Variants in BMP5 observed in about 807,000 individuals in gnomAD.
The protein encoded by BMP5 is bone morphogenetic protein 5.
BMP5 carries 23 observed loss-of-function variants against 46.6 expected under a neutral mutation model. The observed-to-expected ratio is 0.49, with a 90% confidence interval of 0.35 to 0.70. The LOEUF (loss-of-function observed/expected upper bound fraction) is 0.70, where lower values mean the gene tolerates loss of function less well. Among genes scored for constraint, BMP5 ranks in the 30% least tolerant of loss-of-function variants. The pLI, the probability that BMP5 is intolerant of heterozygous loss-of-function variation, is 0.00. For synonymous variants in BMP5, 204 were observed against 191.9 expected (o/e 1.06, Z -0.52); for missense variants, 545 against 565.6 (o/e 0.96, Z 0.37).
At chr6:55,759,173 AAAAAAAAAAACAAC>A in intron 5 of BMP5, 58 bp from the exon 6 acceptor site, 1 of 839,412 alleles carries the variant, frequency 1.2e-6, no homozygotes, top group Non-Finnish European at 1.8e-6. Context: ...AAAAAAAAAA[AAAAAAAAAAACAAC>A]AAGAAAAAAT....
intron 4 of BMP5, among the ~76,000 whole-genome samples, chr6:55,767,820 A>G (rs1482974194): frequency 1.3e-5 from 2 of 152,038 alleles, no homozygotes; most frequent in South Asian, 2.1e-4. Context: ...GAGTGACATG[A>G]TTAAATAAAC....
At chr6:55,854,534 TTTTCACTGTA>T (rs1455439040) in intron 1 of BMP5, among the ~76,000 whole-genome samples, 2 of 152,196 alleles carry the variant, frequency 1.3e-5, no homozygotes, top group East Asian at 3.9e-4. Flanking sequence ...ATAAAGATAA[TTTTCACTGTA>T]TTTTCTTTTT....
Position 55,874,819 on chromosome 6 carries a change from C to G in BMP5, c.47G>C (p.Trp16Ser). ...FLLKGIVGFLWSCWVLVGYAK... is the reference protein window; with the variant it reads ...FLLKGIVGFLSSCWVLVGYAK... ...ATAACCCACTAGAACCCAGCAGCTC[C>G]AGAGGAAACCCACAATACCCTTAAG... The change falls in exon 1 of 7, where the codon TGG becomes TCG. Residue 16 changes from tryptophan (W) to serine (S), a missense_variant. Trp to Ser is a radical substitution (Grantham distance 177). Transcript: ENST00000370830. 1 of 1,613,212 alleles carries G rather than the reference C, an allele frequency of 6.2e-7. No homozygotes were observed. The highest frequency in any genetic ancestry group is 8.5e-7 in the Non-Finnish European group (1 of 1,179,578).
chr6:55,850,454 A>G (rs1777211345), intron 1 of BMP5, among the ~76,000 whole-genome samples: 1 of 152,104 alleles, frequency 6.6e-6, no homozygotes, highest in Non-Finnish European at 1.5e-5. Context: ...TACCTAGGAT[A>G]TATTTAATAT....
intron 1 of BMP5, among the ~76,000 whole-genome samples, chr6:55,847,782 A>G (rs1469948840): frequency 6.6e-6 from 1 of 151,908 alleles, no homozygotes; most frequent in Non-Finnish European, 1.5e-5. Flanking sequence ...ACTGTAGAGT[A>G]TCTTAGCCAT....
intron 1 of BMP5, among the ~76,000 whole-genome samples, chr6:55,869,063 G>A (rs539699266): frequency 5.3e-5 from 8 of 152,270 alleles, no homozygotes; most frequent in East Asian, 1.9e-4. Flanking sequence ...TCTCCTGTGC[G>A]TCAGGGAAGC....
intron 2 of BMP5, among the ~76,000 whole-genome samples, chr6:55,804,313 A>C (rs1320898085): frequency 6.6e-6 from 1 of 152,182 alleles, no homozygotes; most frequent in Non-Finnish European, 1.5e-5. Context: ...AAGATGGAAG[A>C]GGAGATTGGA....
chr6:55,840,062 T>C (rs1308716964), intron 1 of BMP5, among the ~76,000 whole-genome samples: 1 of 152,152 alleles, frequency 6.6e-6, no homozygotes, highest in East Asian at 1.9e-4. Context: ...AGTTCGCCTC[T>C]TTATTTCAGC....
chr6:55,846,708 TG>T (rs1485634106), intron 1 of BMP5, among the ~76,000 whole-genome samples: 1 of 151,884 alleles, frequency 6.6e-6, no homozygotes, highest in Non-Finnish European at 1.5e-5. Flanking sequence ...TTGAATGGAA[TG>T]GGTTCTGACA....
chr6:55,800,538 T>C lies in BMP5; in HGVS notation c.684-6111A>G, dbSNP rs182618223. On this transcript the variant is annotated intron_variant, in intron 2 of 6. Coordinates refer to ENST00000370830, the MANE Select transcript of BMP5 (RefSeq NM_021073.4). ...TGTGTTCTCCTTATAATTCGATATA[T>C]AAGGGATGTGAACAGGCCTAGTAGC... 8.0e-3 allele frequency among the ~76,000 whole-genome samples: 1,218 copies of C among 152,286 alleles called. 12 individuals are homozygous for C. Among genetic ancestry groups the C allele is most frequent in the Middle Eastern group, 0.024 (7 of 294 alleles).
intron 2 of BMP5, among the ~76,000 whole-genome samples, chr6:55,802,839 T>C (rs1373963405): frequency 2.0e-5 from 3 of 150,808 alleles, no homozygotes; most frequent in Non-Finnish European, 4.4e-5. Flanking sequence ...CTACCTCCCA[T>C]CTAGTATAAG....
chr6:55,853,217 T>C (rs1777297633), intron 1 of BMP5, among the ~76,000 whole-genome samples: 1 of 115,870 alleles, frequency 8.6e-6, no homozygotes, highest in Admixed American at 8.6e-5. Flanking sequence ...TAAAATAAAA[T>C]AAGATAAAAT....
intron 4 of BMP5, 124 bp from the exon 5 acceptor site, chr6:55,760,657 A>G: frequency 1.2e-6 from 1 of 824,852 alleles, no homozygotes. Context: ...AATGAGTTTC[A>G]ATCTTAAAGT....
At chr6:55,867,860 C>T (rs148292615) in intron 1 of BMP5, among the ~76,000 whole-genome samples, 5 of 152,274 alleles carry the variant, frequency 3.3e-5, no homozygotes, top group African/African-American at 4.8e-5. Context: ...CTCAAGTTCA[C>T]GCTGCTAGTA....
At chr6:55,841,610 G>A (rs1162106910) in intron 1 of BMP5, among the ~76,000 whole-genome samples, 1 of 151,934 alleles carries the variant, frequency 6.6e-6, no homozygotes, top group Non-Finnish European at 1.5e-5. Flanking sequence ...GTGTTTGTTT[G>A]TTTGTTTGTT....
intron 3 of BMP5, among the ~76,000 whole-genome samples, chr6:55,789,158 T>C (rs1161822081): frequency 6.6e-6 from 1 of 151,880 alleles, no homozygotes; most frequent in East Asian, 1.9e-4. Context: ...ATGACTTGAA[T>C]ACAAATGAAT....
chr6:55,857,174 C>T (rs1430898596), intron 1 of BMP5, among the ~76,000 whole-genome samples: 15 of 152,056 alleles, frequency 9.9e-5, no homozygotes, highest in Admixed American at 9.8e-4. Context: ...TAGAGTTTAT[C>T]GATCACTCAA....
At chr6:55,758,868 C>G (rs1471334926) in intron 6 of BMP5, 137 bp downstream of exon 6, 5 of 707,222 alleles carry the variant, frequency 7.1e-6, no homozygotes, top group Admixed American at 4.1e-5. Context: ...GTTGTTACTT[C>G]AGCTCTAAAA....
intron 1 of BMP5, among the ~76,000 whole-genome samples, chr6:55,851,014 AGAC>A: frequency 6.6e-6 from 1 of 152,214 alleles, no homozygotes; most frequent in African/African-American, 2.4e-5. Flanking sequence ...TTGATCTAAC[AGAC>A]TGAATTTCTT....
Sources: allele counts gnomAD v4.1 joint callset (sites outside exome capture counted in the v4.1 genomes callset), GRCh38; gene constraint gnomAD v4.1.1; transcripts MANE v1.5; gene names NCBI Gene and HGNC (gene_info 2026-07-23, HGNC 2026-07-21).